The following ADARB2 variants were observed in gnomAD, a reference collection of about 807,000 sequenced individuals.
ADARB2 encodes adenosine deaminase RNA specific B2 (inactive), also known as inactive double-stranded RNA-specific editase B2.
ADARB2 carries 25 observed loss-of-function variants against 62.2 expected under a neutral mutation model. The observed-to-expected ratio is 0.40, with a 90% CI of 0.29 to 0.56. ADARB2 has a LOEUF of 0.56. Among genes scored for constraint, ADARB2 ranks in the 20% least tolerant of loss-of-function variants. The probability of loss-of-function intolerance (pLI) is 0.43; values close to 1 mark genes in which losing one functional copy is unlikely to be tolerated. For synonymous variants in ADARB2, 572 were observed against 500.8 expected (o/e 1.14, Z -1.90); for missense variants, 1,071 against 1,077.4 (o/e 0.99, Z 0.08).
intron 1 of ADARB2, chr10:1,394,750 G>T: frequency 2.3e-6 from 1 of 433,464 alleles, no homozygotes; most frequent in Non-Finnish European, 4.6e-6. Flanking sequence ...TGAAGCCAGG[G>T]CCTGAGATGA....
chr10:1,496,167 T>A (rs938045647), intron 1 of ADARB2, among the ~76,000 whole-genome samples: 7 of 151,848 alleles, frequency 4.6e-5, no homozygotes, highest in Non-Finnish European at 4.4e-5. Flanking sequence ...AACATAATCA[T>A]CACCATCATC....
At chr10:1,461,369 A>G (rs10903458) in intron 1 of ADARB2, among the ~76,000 whole-genome samples, 63,019 of 152,078 alleles carry the variant, frequency 0.41, 13,698 homozygotes, top group African/African-American at 0.54. Flanking sequence ...AAATATGGTC[A>G]CTGTAATTAT....
intron 1 of ADARB2, among the ~76,000 whole-genome samples, chr10:1,458,985 A>G (rs745646548): frequency 4.6e-5 from 7 of 152,242 alleles, no homozygotes; most frequent in Non-Finnish European, 1.0e-4. Flanking sequence ...TAAAAACTGT[A>G]ATGAGGTACC....
chr10:1,428,864 GACACACAC>G (rs748052926), intron 1 of ADARB2, among the ~76,000 whole-genome samples: 3 of 148,736 alleles, frequency 2.0e-5, no homozygotes, highest in Non-Finnish European at 3.0e-5. Flanking sequence ...TACACACACG[GACACACAC>G]ACACACACGG....
At chr10:1,660,584 C>A (rs1328416709) in intron 1 of ADARB2, among the ~76,000 whole-genome samples, 1 of 152,130 alleles carries the variant, frequency 6.6e-6, no homozygotes, top group African/African-American at 2.4e-5. Flanking sequence ...ACGTAAGGCC[C>A]AAGACCCCAG....
chr10:1,661,962 C>T (rs963550195), intron 1 of ADARB2, among the ~76,000 whole-genome samples: 3 of 152,168 alleles, frequency 2.0e-5, no homozygotes, highest in Non-Finnish European at 4.4e-5. Context: ...GGCACTGAGG[C>T]AGCGGCAGAC....
At chr10:1,412,468 T>A (rs1832767626) in intron 1 of ADARB2, among the ~76,000 whole-genome samples, 1 of 152,278 alleles carries the variant, frequency 6.6e-6, no homozygotes, top group Admixed American at 6.5e-5. Context: ...TATTATTATT[T>A]TTGCTTTTAA....
chr10:1,298,720 ATTTTTTTTTTTTTTTTTTTT>A (rs75978268), intron 3 of ADARB2, among the ~76,000 whole-genome samples: 6 of 110,770 alleles, frequency 5.4e-5, no homozygotes, highest in Admixed American at 2.7e-4. Flanking sequence ...TGCGACGGGA[ATTTTTTTTTTTTTTTTTTTT>A]TTTTTTTTTT....
chr10:1,350,523 A>G (rs1227411563), intron 3 of ADARB2, among the ~76,000 whole-genome samples: 1 of 151,920 alleles, frequency 6.6e-6, no homozygotes, highest in Non-Finnish European at 1.5e-5. Flanking sequence ...GCTCTCCCCC[A>G]CCTGCCCAGC....
At chr10:1,717,006 A>ACG in intron 1 of ADARB2, among the ~76,000 whole-genome samples, 1 of 152,084 alleles carries the variant, frequency 6.6e-6, no homozygotes, top group Admixed American at 6.5e-5. Context: ...GCACACATTC[A>ACG]TGTTATTCTG....
At chr10:1,645,274 G>A (rs973783335) in intron 1 of ADARB2, among the ~76,000 whole-genome samples, 8 of 152,208 alleles carry the variant, frequency 5.3e-5, no homozygotes, top group African/African-American at 1.9e-4. Flanking sequence ...ACAGCCCACT[G>A]GATGGGCTCT....
chr10:1,464,009 A>G (rs890222094), intron 1 of ADARB2, among the ~76,000 whole-genome samples: 18 of 152,364 alleles, frequency 1.2e-4, no homozygotes, highest in African/African-American at 3.4e-4. Flanking sequence ...GAGTGGCTGC[A>G]ATAAAACAAC....
chr10:1,563,202 G>A (rs118151549), intron 1 of ADARB2, among the ~76,000 whole-genome samples: 1 of 152,052 alleles, frequency 6.6e-6, no homozygotes, highest in Non-Finnish European at 1.5e-5. Context: ...GTCCCTCTAA[G>A]GTGCTGACCT....
chr10:1,207,086 C>A (rs61102370), intron 7 of ADARB2, among the ~76,000 whole-genome samples: 5,796 of 152,322 alleles, frequency 0.038, 405 homozygotes, highest in African/African-American at 0.13. Flanking sequence ...GTGGCTCACC[C>A]CTGTAATCCC....
At chr10:1,533,762 G>C (rs1159514274) in intron 1 of ADARB2, among the ~76,000 whole-genome samples, 1 of 152,158 alleles carries the variant, frequency 6.6e-6, no homozygotes, top group East Asian at 1.9e-4. Flanking sequence ...CCTCCTCGGA[G>C]TAACATCAGC....
chr10:1,353,767 T>C (rs1469333091), intron 3 of ADARB2, among the ~76,000 whole-genome samples: 1 of 152,104 alleles, frequency 6.6e-6, no homozygotes, highest in African/African-American at 2.4e-5. Context: ...CAGAAACAAT[T>C]AGAGCCTTCC....
chr10:1,428,809 A>G (rs1449121623), intron 1 of ADARB2, among the ~76,000 whole-genome samples: 1 of 152,090 alleles, frequency 6.6e-6, no homozygotes, highest in East Asian at 1.9e-4. Flanking sequence ...ACACAGATTT[A>G]AACACATGCA....
intron 1 of ADARB2, among the ~76,000 whole-genome samples, chr10:1,551,845 G>C (rs1173461571): frequency 2.6e-5 from 4 of 152,214 alleles, no homozygotes; most frequent in African/African-American, 9.6e-5. Flanking sequence ...GGTGCTCTGA[G>C]AAGTGAGGGC....
intron 8 of ADARB2, among the ~76,000 whole-genome samples, chr10:1,199,220 C>CCG (rs1056667118): frequency 2.6e-5 from 4 of 151,914 alleles, no homozygotes; most frequent in Non-Finnish European, 4.4e-5. Flanking sequence ...ACCCACCCCC[C>CCG]CGCTTCCCGC....
Sources: gnomAD v4.1 joint callset for allele counts (sites outside exome capture counted in the v4.1 genomes callset) on GRCh38, gnomAD v4.1.1 for gene constraint, MANE v1.5 for transcripts, NCBI Gene and HGNC (gene_info 2026-07-23, HGNC 2026-07-21) for gene names.